The following CSGALNACT1 variants were observed in gnomAD, a reference collection of about 807,000 sequenced individuals.
CSGALNACT1 encodes chondroitin sulfate N-acetylgalactosaminyltransferase 1, also known as beta4GalNAcT-1.
CSGALNACT1 carries 52 observed loss-of-function variants against 51.0 expected under a neutral mutation model. The ratio of observed to expected loss-of-function variants is 1.02; its 90% CI spans 0.82 to 1.29. CSGALNACT1 has a LOEUF of 1.29. CSGALNACT1 is among the 50% of genes most tolerant of loss of function. The probability of loss-of-function intolerance (pLI) is 0.00; values close to 1 mark genes in which losing one functional copy is unlikely to be tolerated. For synonymous variants in CSGALNACT1, 341 were observed against 254.4 expected, an observed-to-expected ratio of 1.34 and a Z score of -3.24; for missense variants, 935 against 679.2, an observed-to-expected ratio of 1.38 and a Z score of -4.19.
At chr8:19,531,308 C>T (rs1309136559) in intron 3 of CSGALNACT1, among the ~76,000 whole-genome samples, 1 of 152,118 alleles carries the variant, frequency 6.6e-6, no homozygotes, top group East Asian at 1.9e-4. Context: ...CATAGCTCCA[C>T]ATAATTTAAA....
chr8:19,452,962 C>A (rs767367628), intron 5 of CSGALNACT1, among the ~76,000 whole-genome samples: 1 of 152,122 alleles, frequency 6.6e-6, no homozygotes, highest in Non-Finnish European at 1.5e-5. Flanking sequence ...AAAATATGCA[C>A]AACAATTCTC....
intron 4 of CSGALNACT1, among the ~76,000 whole-genome samples, chr8:19,466,642 G>A (rs952018471): frequency 6.6e-6 from 1 of 152,154 alleles, no homozygotes; most frequent in Non-Finnish European, 1.5e-5. Flanking sequence ...GTTTTTATAG[G>A]TAAAGTAGTA....
chr8:19,450,115 G>A (rs2062850210), intron 5 of CSGALNACT1, among the ~76,000 whole-genome samples: 1 of 106,842 alleles, frequency 9.4e-6, no homozygotes, highest in Non-Finnish European at 2.0e-5. Context: ...AGGGGAAGAG[G>A]AGGGAGAAGA....
exon 4 of CSGALNACT1, chr8:19,505,626 T>C (rs763581421): frequency 2.5e-6 from 4 of 1,614,016 alleles, no homozygotes; most frequent in East Asian, 2.2e-5. Flanking sequence ...GCTCACGTAG[T>C]TGCGGTGCTG....
At chr8:19,458,572 T>A (rs1244851962) in exon 5 of CSGALNACT1, 2 of 1,614,088 alleles carry the variant, frequency 1.2e-6, no homozygotes, top group Non-Finnish European at 1.7e-6. Context: ...GCCGTTTGAA[T>A]TCGTGTTTGT....
intron 1 of CSGALNACT1, among the ~76,000 whole-genome samples, chr8:19,694,131 G>C (rs182924587): frequency 6.6e-6 from 1 of 152,076 alleles, no homozygotes; most frequent in Non-Finnish European, 1.5e-5. Context: ...AATTTAATCA[G>C]GCAAAAGGAA....
Position 19,757,231 on chromosome 8 carries a change from C to T in CSGALNACT1, c.-297+619G>A, listed in dbSNP as rs1444417296. On this transcript the variant is annotated intron_variant, in intron 1 of 1. Coordinates refer to the CSGALNACT1 transcript ENST00000517494. The surrounding 1 kb of genome is among the most constrained non-coding windows in gnomAD (Gnocchi z 4.0). ...CCCGGCCCGGCTCCGGCCGCTGCCG[C>T]CGTCGCTGAACTTTCCCTCCTGCGC... 3 of 149,806 alleles carry T rather than the reference C, an allele frequency of 2.0e-5. No individual in the cohort carries two copies. Among genetic ancestry groups the T allele is most frequent in the Non-Finnish European group, 4.5e-5 (3 of 67,118 alleles). 9.3% of individuals were successfully genotyped at this position (149,806 alleles called of 1,614,324 possible).
chr8:19,751,643 A>C (rs1410194807), intron 1 of CSGALNACT1, among the ~76,000 whole-genome samples: 3 of 152,198 alleles, frequency 2.0e-5, no homozygotes, highest in Non-Finnish European at 2.9e-5. Flanking sequence ...TCAAATTATA[A>C]TCCCCACATA....
chr8:19,452,507 T>G (rs557645354), intron 5 of CSGALNACT1, among the ~76,000 whole-genome samples: 1 of 150,738 alleles, frequency 6.6e-6, no homozygotes, highest in South Asian at 2.1e-4. Flanking sequence ...ATCTGAAGAG[T>G]TAGAGGAGAA....
Position 19,458,574 on chromosome 8 carries a change from C to T in CSGALNACT1, c.703G>A (p.Glu235Lys), listed in dbSNP as rs746934517. The T allele has an allele frequency of 3.7e-6, 6 of 1,614,134 alleles. No homozygotes were observed. The African/African-American group carries it at 5.3e-5, about 14-fold the overall frequency. Residue 235 changes from glutamate (E) to lysine (K), a missense_variant, in exon 5 of 10, where the codon GAA becomes AAA. By Grantham distance (56) the Glu-to-Lys change is moderately conservative. Coordinates refer to ENST00000454498, the Ensembl canonical transcript of CSGALNACT1. ...CGAAATAAGATGAGCCGTTTGAATT[C>T]GTGTTTGTGGTCCCCTTTGAAGGTG...
In CSGALNACT1 at chr8:19,755,456, C is replaced by CAAAAAAAAAAAAAAAAAAAAA. The variant is rs71205945; in HGVS notation, c.-297+2373_-297+2393dup. ...GGGGATCCCTAAATGTAAAGAAAGA[C>CAAAAAAAAAAAAAAAAAAAAA]AAAAAAAAAAAAAAAAAAAAAAAAA... On this transcript the variant is annotated intron_variant, in intron 1 of 1. Coordinates refer to the CSGALNACT1 transcript ENST00000517494. Among the ~76,000 whole-genome samples, 97 of 74,528 alleles carry CAAAAAAAAAAAAAAAAAAAAA rather than the reference C, an allele frequency of 1.3e-3. 7 individuals are homozygous for CAAAAAAAAAAAAAAAAAAAAA. Among genetic ancestry groups the CAAAAAAAAAAAAAAAAAAAAA allele is most frequent in the East Asian group, 1.8e-3 (3 of 1,714 alleles). 48.9% of individuals were successfully genotyped at this position (74,528 alleles called of 152,430 possible). A position where few individuals can be genotyped will look rare whatever the true frequency, so the allele number is the denominator to read the frequency against.
At position 19,687,663 on chromosome 8, in the gene CSGALNACT1, A is replaced by G. The variant is rs138386393; in HGVS notation, c.-297+70187T>C. 6.4e-3 allele frequency among the ~76,000 whole-genome samples: 974 copies of G among 152,332 alleles called. 11 individuals carry two copies. Among genetic ancestry groups the G allele is most frequent in the African/African-American group, 0.021 (888 of 41,566 alleles). ...GTCAGAGAAAATTTGGCTTTTAAAG[A>G]CATGCAGTTCCAGAAATGAAACTCC... On this transcript the variant is annotated intron_variant, in intron 1 of 1. Coordinates refer to the CSGALNACT1 transcript ENST00000517494.
rs1285053840 is a variant in CSGALNACT1 at position 19,416,951 on chromosome 8, C to T, written c.1227+1705G>A. On this transcript the variant is annotated intron_variant, in intron 8 of 9. Coordinates refer to ENST00000454498, the Ensembl canonical transcript of CSGALNACT1. ...GATCTCAGCTCACTACAGCCTCTGC[C>T]TCCCAGGCTCAAGCGATTTTCAACC... Among the ~76,000 whole-genome samples the T allele has an allele frequency of 3.3e-5, 5 of 152,094 alleles. No homozygotes were observed. The East Asian group carries it at 7.7e-4, about 23-fold the overall frequency.
chr8:19,601,417 T>C (rs1232702884), intron 2 of CSGALNACT1, among the ~76,000 whole-genome samples: 1 of 152,228 alleles, frequency 6.6e-6, no homozygotes, highest in African/African-American at 2.4e-5. Flanking sequence ...CAATTTCCAA[T>C]GGGAGAACAA....
At chr8:19,404,547 G>C (rs886486345) in exon 10 of CSGALNACT1, 13 of 453,234 alleles carry the variant, frequency 2.9e-5, no homozygotes, top group Non-Finnish European at 4.9e-5. Context: ...GCCTGGGGTG[G>C]ATAACATGTA....
At chr8:19,549,658 T>TG (rs1287803990) in intron 3 of CSGALNACT1, among the ~76,000 whole-genome samples, 5 of 129,536 alleles carry the variant, frequency 3.9e-5, no homozygotes, top group African/African-American at 1.8e-4. Context: ...ATTTCCTACT[T>TG]TTTTTTTTTT....
At chr8:19,482,343 A>G (rs1047529794) in intron 4 of CSGALNACT1, among the ~76,000 whole-genome samples, 2 of 152,210 alleles carry the variant, frequency 1.3e-5, no homozygotes, top group East Asian at 3.8e-4. Flanking sequence ...TGTGCTGGAC[A>G]GTGCCGTTTT....
intron 1 of CSGALNACT1, among the ~76,000 whole-genome samples, chr8:19,738,959 T>C (rs1049807703): frequency 2.6e-5 from 4 of 152,198 alleles, no homozygotes; most frequent in African/African-American, 9.6e-5. Flanking sequence ...TCAAATGCAA[T>C]GTGAGGCCCT....
chr8:19,659,623 A>G (rs1384835421), intron 1 of CSGALNACT1, among the ~76,000 whole-genome samples: 1 of 152,238 alleles, frequency 6.6e-6, no homozygotes, highest in African/African-American at 2.4e-5. Flanking sequence ...CTTTTCAACA[A>G]AATCAGGTAT....
Sources: allele counts gnomAD v4.1 joint callset (sites outside exome capture counted in the v4.1 genomes callset), GRCh38; gene constraint gnomAD v4.1.1; non-coding constraint Gnocchi (gnomAD v3.1); transcripts MANE v1.5; gene names NCBI Gene and HGNC (gene_info 2026-07-23, HGNC 2026-07-21).